Variants in CCDC146 observed in about 807,000 individuals in gnomAD.
CCDC146 encodes the protein coiled-coil domain-containing protein 146.
CCDC146 carries 92 observed loss-of-function variants against 119.3 expected under a neutral mutation model. The ratio of observed to expected loss-of-function variants is 0.77; its 90% CI spans 0.65 to 0.92. The LOEUF is 0.92. Among genes scored for constraint, CCDC146 ranks in the 40% least tolerant of loss-of-function variants. CCDC146 has a pLI of 0.00. For synonymous variants in CCDC146, 372 were observed against 371.8 expected (o/e 1.00, Z -0.01); for missense variants, 1,000 against 1,103.0 (o/e 0.91, Z 1.32).
intron 2 of CCDC146, among the ~76,000 whole-genome samples, chr7:77,170,867 T>C (rs1445428797): frequency 6.6e-6 from 1 of 152,150 alleles, no homozygotes; most frequent in East Asian, 1.9e-4. Context: ...CACAATGAGA[T>C]ATTATCTCCC....
At chr7:77,271,513 G>GATATAT (rs56661430) in intron 9 of CCDC146, among the ~76,000 whole-genome samples, 8 of 71,364 alleles carry the variant, frequency 1.1e-4, no homozygotes, top group African/African-American at 3.2e-4. Context: ...ACTAATAGGA[G>GATATAT]ATATATATAT....
intron 2 of CCDC146, among the ~76,000 whole-genome samples, chr7:77,190,493 G>A (rs1313555372): frequency 6.6e-6 from 1 of 152,196 alleles, no homozygotes; most frequent in Non-Finnish European, 1.5e-5. Flanking sequence ...TGATGAGTGG[G>A]ATGAAGGAGC....
intron 4 of CCDC146, among the ~76,000 whole-genome samples, chr7:77,246,727 C>T (rs144645278): frequency 1.2e-3 from 181 of 152,200 alleles, no homozygotes; most frequent in African/African-American, 4.0e-3. Context: ...TCCAGAAATA[C>T]CTTGTTACTG....
intron 9 of CCDC146, among the ~76,000 whole-genome samples, chr7:77,267,052 C>G (rs1793419274): frequency 6.6e-6 from 1 of 150,644 alleles, no homozygotes; most frequent in South Asian, 2.1e-4. Context: ...AGTACAGTGG[C>G]ACCGTGTCGG....
intron 1 of CCDC146, among the ~76,000 whole-genome samples, chr7:77,165,396 A>C (rs1015994542): frequency 2.0e-5 from 3 of 152,150 alleles, no homozygotes; most frequent in Non-Finnish European, 4.4e-5. Context: ...GAACATTCAC[A>C]TGAGCAGCAC....
chr7:77,186,756 A>C (rs1420288992), intron 2 of CCDC146, among the ~76,000 whole-genome samples: 1 of 152,218 alleles, frequency 6.6e-6, no homozygotes, highest in Non-Finnish European at 1.5e-5. Flanking sequence ...CCCCAAAATC[A>C]TAGCAGACTC....
chr7:77,289,189 T>G lies in CCDC146; in HGVS notation c.2415+1612T>G, dbSNP rs561108380. Among the ~76,000 whole-genome samples the G allele has an allele frequency of 1.4e-4, 21 of 152,376 alleles. No individual in the cohort carries two copies. The South Asian group carries it at 3.1e-3, about 23-fold the overall frequency. On this transcript the variant is annotated intron_variant, in intron 17 of 18. Transcript: ENST00000285871. ...TTTCTTTAAATAAACGTTGCCTTCC[T>G]TCCTTTTGCAAAATGAATTTCCCTT... is the stretch of plus-strand genomic sequence containing the variant.
At chr7:77,219,861 A>C (rs1160392258) in intron 2 of CCDC146, among the ~76,000 whole-genome samples, 1 of 152,188 alleles carries the variant, frequency 6.6e-6, no homozygotes, top group Non-Finnish European at 1.5e-5. Flanking sequence ...CAGAGATCAC[A>C]TGCTTCAAAG....
At position 77,284,283 on chromosome 7, in the gene CCDC146, A is replaced by T. The variant is rs1378704454; in HGVS notation, c.2148+1498A>T. On this transcript the variant is annotated intron_variant, in intron 15 of 18. Transcript: ENST00000285871. ...CATACTCTTCTTGGGGGCACTGGAG[A>T]CGCTTCCCTGAGCACTAATACCTTG... Among the ~76,000 whole-genome samples, 3 of 152,118 alleles carry T rather than the reference A, an allele frequency of 2.0e-5. No individual in the cohort carries two copies. The East Asian group carries it at 5.8e-4, about 29-fold the overall frequency.
At chr7:77,262,093 TTTC>T (rs764857697) in intron 8 of CCDC146, 25 bp from the exon 9 acceptor site, 11 of 1,530,848 alleles carry the variant, frequency 7.2e-6, no homozygotes, top group South Asian at 5.1e-5. Flanking sequence ...ACAAAATCAT[TTTC>T]TTCTTCTTCC....
intron 2 of CCDC146, among the ~76,000 whole-genome samples, chr7:77,185,870 G>C (rs1186091133): frequency 2.0e-5 from 3 of 152,172 alleles, no homozygotes; most frequent in Admixed American, 6.6e-5. Context: ...AATTCTATCA[G>C]ATTAACAAAG....
At chr7:77,195,150 C>CCACATAT (rs1791841675) in intron 2 of CCDC146, 1 of 151,614 alleles carries the variant, frequency 6.6e-6, no homozygotes, top group Non-Finnish European at 1.5e-5. Context: ...GCTTCATTAC[C>CCACATAT]CACATATCCC....
At chr7:77,132,648 A>G (rs1477537534) in intron 1 of CCDC146, among the ~76,000 whole-genome samples, 1 of 152,002 alleles carries the variant, frequency 6.6e-6, no homozygotes, top group Non-Finnish European at 1.5e-5. Flanking sequence ...GAGGCAGGAG[A>G]ATCAGTTGAG....
intron 11 of CCDC146, among the ~76,000 whole-genome samples, chr7:77,276,238 ACC>A (rs1245728921): frequency 6.7e-6 from 1 of 150,066 alleles, no homozygotes; most frequent in African/African-American, 2.5e-5. Context: ...TTATCTCATG[ACC>A]CAGATGTGGT....
intron 3 of CCDC146, among the ~76,000 whole-genome samples, chr7:77,240,760 A>G (rs1792827678): frequency 6.6e-6 from 1 of 152,214 alleles, no homozygotes. Flanking sequence ...AGCATCTTAC[A>G]TAACCATGGT....
intron 1 of CCDC146, among the ~76,000 whole-genome samples, chr7:77,153,326 A>G (rs1205731516): frequency 1.3e-5 from 2 of 152,162 alleles, no homozygotes; most frequent in Non-Finnish European, 2.9e-5. Context: ...CAAGGCAATT[A>G]CCTAATTAGG....
chr7:77,164,767 G>A (rs931662271), intron 1 of CCDC146, among the ~76,000 whole-genome samples: 4 of 152,142 alleles, frequency 2.6e-5, no homozygotes, highest in Non-Finnish European at 5.9e-5. Flanking sequence ...TGATATGTCT[G>A]TGACCACCTG....
intron 1 of CCDC146, among the ~76,000 whole-genome samples, chr7:77,128,612 C>T (rs1464661837): frequency 2.0e-5 from 3 of 151,318 alleles, no homozygotes; most frequent in Admixed American, 6.6e-5. Flanking sequence ...GCTCCTGCCA[C>T]ACAGAAATTG....
rs771665280 is a variant in CCDC146, at chr7:77,292,937, G to A, written c.2416-15G>A. 1.2e-6 allele frequency: 2 copies of A among 1,611,152 alleles called. No individual in the cohort carries two copies. Among genetic ancestry groups the A allele is most frequent in the South Asian group, 2.2e-5 (2 of 90,742 alleles). ...ACTGTATACATAGACTAAGCTTTGG[G>A]CTCTTTAATTCTAGATGAATGGCTA... is the stretch of plus-strand genomic sequence containing the variant. On this transcript the variant is annotated splice_polypyrimidine_tract_variant and intron_variant, in intron 17 of 18. Coordinates refer to ENST00000285871, the MANE Select transcript of CCDC146 (RefSeq NM_020879.3).
Sources: gnomAD v4.1 joint callset for allele counts (sites outside exome capture counted in the v4.1 genomes callset) on GRCh38, gnomAD v4.1.1 for gene constraint, MANE v1.5 for transcripts, NCBI Gene and HGNC (gene_info 2026-07-23, HGNC 2026-07-21) for gene names.